The following CTTNBP2 variants were observed in gnomAD, a reference collection of about 807,000 sequenced individuals.
CTTNBP2 encodes the protein cortactin-binding protein 2.
CTTNBP2 carries 108 observed loss-of-function variants against 156.9 expected under a neutral mutation model. The ratio of observed to expected loss-of-function variants is 0.69; its 90% CI spans 0.59 to 0.81. The LOEUF is 0.81. Among genes scored for constraint, CTTNBP2 ranks in the 30% least tolerant of loss-of-function variants. The pLI is 0.00. For missense variants in CTTNBP2, 1,924 were observed against 2,035.4 expected (o/e 0.95, Z 1.05); for synonymous variants, 767 against 751.8 (o/e 1.02, Z -0.33).
At chr7:117,856,933 C>T (rs1803366428) in intron 2 of CTTNBP2, among the ~76,000 whole-genome samples, 1 of 152,092 alleles carries the variant, frequency 6.6e-6, no homozygotes. Flanking sequence ...AAAAAAGAAA[C>T]AAAGGCCAGA....
intron 8 of CTTNBP2, among the ~76,000 whole-genome samples, chr7:117,774,161 G>A (rs1216183451): frequency 6.6e-6 from 1 of 152,058 alleles, no homozygotes; most frequent in Non-Finnish European, 1.5e-5. Flanking sequence ...GAATAGTCAG[G>A]CCAGCTGTAG....
intron 14 of CTTNBP2, among the ~76,000 whole-genome samples, chr7:117,736,180 C>A (rs116958888): frequency 0.013 from 2,000 of 152,210 alleles, 16 homozygotes; most frequent in Non-Finnish European, 0.022. Context: ...CAGGGCCAGG[C>A]GCAGTGGCTC....
At chr7:117,776,517 C>G (rs1329305888) in intron 8 of CTTNBP2, among the ~76,000 whole-genome samples, 1 of 152,152 alleles carries the variant, frequency 6.6e-6, no homozygotes, top group Non-Finnish European at 1.5e-5. Context: ...TCCATTACCC[C>G]AATTAACAGG....
chr7:117,742,432 T>G (rs1005539787), intron 14 of CTTNBP2, among the ~76,000 whole-genome samples: 2 of 152,096 alleles, frequency 1.3e-5, no homozygotes, highest in African/African-American at 4.8e-5. Flanking sequence ...ATGAATGCCC[T>G]AGAATAGAAG....
rs1365352392 is a variant in CTTNBP2 at position 117,804,105 on chromosome 7, G to A, written c.414+6660C>T. On this transcript the variant is annotated intron_variant, in intron 3 of 22. Coordinates refer to ENST00000160373, the MANE Select transcript of CTTNBP2 (RefSeq NM_033427.3). ...AGCCTCCTGAGTAGCTAGGACTACA[G>A]GTATGCGAGAACATACCTGGCTAAT... is the stretch of plus-strand genomic sequence containing the variant. Among the ~76,000 whole-genome samples, 3 of 152,072 alleles carry A rather than the reference G, an allele frequency of 2.0e-5. No homozygotes were observed. In the East Asian group the frequency reaches 5.8e-4, roughly 29 times the overall value.
chr7:117,840,397 G>A (rs948004220), intron 2 of CTTNBP2, among the ~76,000 whole-genome samples: 2 of 152,052 alleles, frequency 1.3e-5, no homozygotes, highest in African/African-American at 2.4e-5. Flanking sequence ...GTGCAGTGGG[G>A]CGTACCTGGT....
chr7:117,774,867 T>C (rs1173657563), intron 8 of CTTNBP2, among the ~76,000 whole-genome samples: 1 of 152,182 alleles, frequency 6.6e-6, no homozygotes. Context: ...TTGTGGTCAA[T>C]GTAGAATCTT....
intron 22 of CTTNBP2, among the ~76,000 whole-genome samples, chr7:117,716,914 AGTCTC>A (rs1794412254): frequency 6.6e-6 from 1 of 152,224 alleles, no homozygotes; most frequent in Non-Finnish European, 1.5e-5. Flanking sequence ...ATAACTTAAT[AGTCTC>A]ACCATGCTTA....
Position 117,725,185 on chromosome 7 carries a change from C to G in CTTNBP2, c.4128G>C (p.Val1376=). 1 of 1,614,046 alleles carries G rather than the reference C, an allele frequency of 6.2e-7. No individual in the cohort carries two copies. The highest frequency in any genetic ancestry group is 8.5e-7 in the Non-Finnish European group (1 of 1,180,026). ...TCTGCCCAAAGCCAGGTTGTCTTTTCACAGAGGCTCTTGACAATATTGCTT... is the reference window on the plus strand; with the variant it reads ...TCTGCCCAAAGCCAGGTTGTCTTTTGACAGAGGCTCTTGACAATATTGCTT... ...VQEAILSRAS[V]KRQPGFGQTT... Residue 1376 remains valine, a synonymous_variant, in exon 18 of 23, where the codon GTG becomes GTC. Coordinates refer to ENST00000160373, the MANE Select transcript of CTTNBP2 (RefSeq NM_033427.3).
At chr7:117,842,880 G>C (rs1443637062) in intron 2 of CTTNBP2, among the ~76,000 whole-genome samples, 1 of 152,218 alleles carries the variant, frequency 6.6e-6, no homozygotes, top group Non-Finnish European at 1.5e-5. Context: ...AGGTATGACA[G>C]AGCAGTGAAC....
intron 3 of CTTNBP2, among the ~76,000 whole-genome samples, chr7:117,794,877 CTTTTTTTTTT>C (rs755340586): frequency 1.4e-4 from 12 of 88,322 alleles, no homozygotes; most frequent in African/African-American, 5.8e-4. Flanking sequence ...ATATGTATAT[CTTTTTTTTTT>C]TTTTTTTTTT....
rs1316019888 is a variant in CTTNBP2 at position 117,864,782 on chromosome 7, TCA to T, written c.82-3468_82-3467del. Reference sequence around the variant, plus strand: ...TCATATATATTCATTCAATATATATTCATATATATTCATTCTATATTCATATA... The same window carrying T: ...TCATATATATTCATTCAATATATATTTATATATTCATTCTATATTCATATA... On this transcript the variant is annotated intron_variant, in intron 1 of 22. Coordinates refer to ENST00000160373, the MANE Select transcript of CTTNBP2 (RefSeq NM_033427.3). 2.2e-5 allele frequency among the ~76,000 whole-genome samples: 3 copies of T among 139,352 alleles called. No individual in the cohort carries two copies. The South Asian group carries it at 6.7e-4, about 31-fold the overall frequency. The allele number at this position is 139,352 out of a possible 152,430, so 91.4% of individuals were successfully genotyped here.
intron 8 of CTTNBP2, among the ~76,000 whole-genome samples, chr7:117,768,581 A>AAAAAGAAAGAAAGAAAG (rs1554419704): frequency 1.0e-5 from 1 of 99,118 alleles, no homozygotes; most frequent in African/African-American, 4.8e-5. Context: ...AAAAAAAAAA[A>AAAAAGAAAGAAAGAAAG]AAAGAAAGAA....
At chr7:117,758,636 C>A (rs1308297573) in intron 10 of CTTNBP2, among the ~76,000 whole-genome samples, 1 of 152,044 alleles carries the variant, frequency 6.6e-6, no homozygotes, top group Non-Finnish European at 1.5e-5. Context: ...CCTGTAATTG[C>A]GTTTATCTGC....
chr7:117,841,599 A>C (rs1161279432), intron 2 of CTTNBP2, among the ~76,000 whole-genome samples: 1 of 152,204 alleles, frequency 6.6e-6, no homozygotes, highest in Non-Finnish European at 1.5e-5. Flanking sequence ...CAGGACCCAA[A>C]GGGTCTTCCC....
At chr7:117,763,065 C>T (rs1797292808) in intron 9 of CTTNBP2, among the ~76,000 whole-genome samples, 2 of 152,210 alleles carry the variant, frequency 1.3e-5, no homozygotes, top group South Asian at 4.1e-4. Context: ...CCCTTTAAAT[C>T]CTCATCCCCC....
chr7:117,848,068 C>T (rs1384839522), intron 2 of CTTNBP2, among the ~76,000 whole-genome samples: 1 of 152,054 alleles, frequency 6.6e-6, no homozygotes, highest in Non-Finnish European at 1.5e-5. Context: ...CCACCCACCT[C>T]GGCCTCCCAA....
chr7:117,794,546 G>A (rs932710962), intron 3 of CTTNBP2, among the ~76,000 whole-genome samples: 1 of 152,130 alleles, frequency 6.6e-6, no homozygotes, highest in African/African-American at 2.4e-5. Flanking sequence ...AAGTCCTGAC[G>A]ATGTTCCTGT....
Position 117,743,169 on chromosome 7 carries a change from C to T in CTTNBP2, c.3535+2662G>A, listed in dbSNP as rs117702191. ...CTGAGTTGGTCACCTTTGCATCCTT[C>T]GTGACCTTGTTCATTGCACTCCAGT... On this transcript the variant is annotated intron_variant, in intron 14 of 22. Transcript: ENST00000160373. 4.0e-3 allele frequency among the ~76,000 whole-genome samples: 604 copies of T among 152,348 alleles called. 5 individuals are homozygous for T. Among genetic ancestry groups the T allele is most frequent in the Middle Eastern group, 0.014 (4 of 294 alleles).
Sources: allele counts gnomAD v4.1 joint callset (sites outside exome capture counted in the v4.1 genomes callset), GRCh38; gene constraint gnomAD v4.1.1; transcripts MANE v1.5; gene names NCBI Gene and HGNC (gene_info 2026-07-23, HGNC 2026-07-21).